The following GNA12 variants were observed in gnomAD, a reference collection of about 807,000 sequenced individuals.
GNA12 encodes the protein G protein subunit alpha 12.
In GNA12, 9 loss-of-function variants were observed where a neutral mutation model predicts 26.0. The ratio of observed to expected loss-of-function variants is 0.35; its 90% CI spans 0.21 to 0.60. The LOEUF (loss-of-function observed/expected upper bound fraction) is 0.60, where lower values mean the gene tolerates loss of function less well. Ranked by LOEUF, GNA12 falls within the 20% of genes least tolerant of loss-of-function variation. The pLI, the probability that GNA12 is intolerant of heterozygous loss-of-function variation, is 0.78. For missense variants in GNA12, 405 were observed against 525.8 expected, an observed-to-expected ratio of 0.77 and a Z score of 2.25; for synonymous variants, 264 against 219.6, an observed-to-expected ratio of 1.20 and a Z score of -1.79.
chr7:2,746,629 A>C (rs1039867435), intron 2 of GNA12, among the ~76,000 whole-genome samples: 2 of 152,194 alleles, frequency 1.3e-5, no homozygotes, highest in Non-Finnish European at 2.9e-5. Context: ...AAGAACAAAC[A>C]CATTCAAAAG....
chr7:2,786,811 G>A (rs1277298119), intron 2 of GNA12, among the ~76,000 whole-genome samples: 9 of 152,282 alleles, frequency 5.9e-5, no homozygotes, highest in Admixed American at 3.3e-4. Flanking sequence ...TCAAGATGGC[G>A]ACTCTGGGCA....
intron 2 of GNA12, among the ~76,000 whole-genome samples, chr7:2,781,449 T>TGTGTG (rs397971357): frequency 6.9e-6 from 1 of 144,956 alleles, no homozygotes. Context: ...TGTGTGTGTG[T>TGTGTG]AGGGTACAAT....
intron 2 of GNA12, among the ~76,000 whole-genome samples, chr7:2,771,289 C>A (rs1434742468): frequency 6.6e-6 from 1 of 151,960 alleles, no homozygotes; most frequent in Admixed American, 6.6e-5. Flanking sequence ...AGACTCCCTG[C>A]CACTCAAAAA....
At chr7:2,824,184 C>T (rs575926836) in intron 1 of GNA12, among the ~76,000 whole-genome samples, 14 of 152,308 alleles carry the variant, frequency 9.2e-5, no homozygotes, top group African/African-American at 3.1e-4. Flanking sequence ...CCTCTCACTG[C>T]CCCCACGTCC....
chr7:2,773,149 A>G (rs1283696597), intron 2 of GNA12, among the ~76,000 whole-genome samples: 1 of 152,248 alleles, frequency 6.6e-6, no homozygotes, highest in East Asian at 1.9e-4. Context: ...ACTTTCTTGG[A>G]TGCTGAAATG....
intron 2 of GNA12, among the ~76,000 whole-genome samples, chr7:2,734,539 G>A (rs116358380): frequency 2.0e-5 from 3 of 152,202 alleles, no homozygotes; most frequent in African/African-American, 7.2e-5. Context: ...AATGGACTAC[G>A]TGATGGCGCT....
At chr7:2,738,921 G>A (rs1338091398) in intron 2 of GNA12, among the ~76,000 whole-genome samples, 2 of 152,110 alleles carry the variant, frequency 1.3e-5, no homozygotes, top group African/African-American at 4.8e-5. Flanking sequence ...CTTGCCCTGT[G>A]TGTAGCCTCG....
intron 2 of GNA12, among the ~76,000 whole-genome samples, chr7:2,785,676 G>T (rs940049789): frequency 2.0e-5 from 3 of 146,396 alleles, no homozygotes; most frequent in South Asian, 2.1e-4. Flanking sequence ...TTCTTCATGT[G>T]TAAGTGTATT....
intron 2 of GNA12, among the ~76,000 whole-genome samples, chr7:2,780,093 T>A (rs7784066): frequency 0.28 from 36,482 of 130,020 alleles, 6,079 homozygotes; most frequent in Admixed American, 0.31. Flanking sequence ...TATATATATA[T>A]GCCTGTTTTC....
chr7:2,735,508 G>A (rs1181605593), intron 2 of GNA12, among the ~76,000 whole-genome samples: 1 of 152,146 alleles, frequency 6.6e-6, no homozygotes, highest in Admixed American at 6.5e-5. Flanking sequence ...CACCACAGAG[G>A]GCACAATCAG....
chr7:2,836,306 T>C (rs1778836624), intron 1 of GNA12, among the ~76,000 whole-genome samples: 2 of 152,172 alleles, frequency 1.3e-5, no homozygotes, highest in South Asian at 4.1e-4. Context: ...AAGTAACAGC[T>C]CTACTCCTCC....
intron 2 of GNA12, among the ~76,000 whole-genome samples, chr7:2,735,090 G>A (rs1385816465): frequency 6.9e-6 from 1 of 145,404 alleles, no homozygotes; most frequent in Non-Finnish European, 1.5e-5. Flanking sequence ...GGAAGCAGCT[G>A]GGAGAAGCCG....
At chr7:2,734,604 A>C (rs1418905857) in intron 2 of GNA12, among the ~76,000 whole-genome samples, 1 of 152,228 alleles carries the variant, frequency 6.6e-6, no homozygotes, top group East Asian at 1.9e-4. Context: ...TGCTCAGTCT[A>C]TCTCTTCCTC....
chr7:2,839,977 G>T (rs975018283), intron 1 of GNA12, among the ~76,000 whole-genome samples: 2 of 152,162 alleles, frequency 1.3e-5, no homozygotes, highest in Non-Finnish European at 1.5e-5. Flanking sequence ...CAGCCTGGGC[G>T]ACAGAGCAAG....
chr7:2,779,522 T>C (rs1002657076), intron 2 of GNA12, among the ~76,000 whole-genome samples: 2 of 152,012 alleles, frequency 1.3e-5, no homozygotes, highest in Non-Finnish European at 2.9e-5. Flanking sequence ...AAAAAATTCC[T>C]GTCACAGTAA....
At chr7:2,740,699 AAC>A (rs1312733157) in intron 2 of GNA12, among the ~76,000 whole-genome samples, 1 of 152,152 alleles carries the variant, frequency 6.6e-6, no homozygotes, top group Admixed American at 6.5e-5. Flanking sequence ...CTCATTCTTA[AAC>A]AGTTTCATAA....
chr7:2,837,994 A>G (rs974028038), intron 1 of GNA12, among the ~76,000 whole-genome samples: 1 of 152,112 alleles, frequency 6.6e-6, no homozygotes, highest in African/African-American at 2.4e-5. Flanking sequence ...ATTTATAGTG[A>G]AGTGGGGTGG....
chr7:2,798,584 C>G (rs1327218021), intron 1 of GNA12, among the ~76,000 whole-genome samples: 1 of 152,154 alleles, frequency 6.6e-6, no homozygotes. Context: ...TACCAATATC[C>G]TTAAATTAAT....
At chr7:2,835,949 G>T in intron 1 of GNA12, 1 of 507,302 alleles carries the variant, frequency 2.0e-6, no homozygotes, top group East Asian at 4.5e-5. Flanking sequence ...GCAATTCAGT[G>T]GGTGTGAGCA....
Sources: allele counts gnomAD v4.1 joint callset (sites outside exome capture counted in the v4.1 genomes callset), GRCh38; gene constraint gnomAD v4.1.1; transcripts MANE v1.5; gene names NCBI Gene and HGNC (gene_info 2026-07-23, HGNC 2026-07-21).